The following ZNF451 variants were observed in gnomAD, a reference collection of about 807,000 sequenced individuals.
ZNF451 encodes the protein E3 SUMO-protein ligase ZNF451.
Under a neutral mutation model 107.1 loss-of-function variants are expected in ZNF451, and 80 were observed. The observed-to-expected ratio is 0.75, with a 90% CI of 0.62 to 0.90. ZNF451 has a LOEUF of 0.90. Ranked by LOEUF, ZNF451 falls within the 40% of genes least tolerant of loss-of-function variation. The pLI, the probability that ZNF451 is intolerant of heterozygous loss-of-function variation, is 0.00. For synonymous variants in ZNF451, 362 were observed against 406.5 expected, an observed-to-expected ratio of 0.89 and a Z score of 1.32; for missense variants, 1,107 against 1,236.2, an observed-to-expected ratio of 0.90 and a Z score of 1.57.
chr6:57,152,420 A>G, intron 12 of ZNF451, 69 bp downstream of exon 12: 1 of 1,562,864 alleles, frequency 6.4e-7, no homozygotes, highest in Non-Finnish European at 8.8e-7. Context: ...CCCCACTTGA[A>G]TTGTAATGAG....
rs1763532703 is a variant in ZNF451, at chr6:57,158,523, C to A, written c.3071-2561C>A. ...TGAATAAACACCATCTTTACAGGCT[C>A]CTCGAGATGTTGGCACTAGAACTAC... On this transcript the variant is annotated intron_variant, in intron 13 of 14. Coordinates refer to ENST00000370706, the MANE Select transcript of ZNF451 (RefSeq NM_001031623.3). 8.1e-6 allele frequency: 8 copies of A among 985,178 alleles called. No individual in the cohort carries two copies. In the African/African-American group the frequency reaches 8.7e-5, roughly 11 times the overall value. The allele number at this position is 985,178 out of a possible 1,614,324, so 61.0% of individuals were successfully genotyped here.
chr6:57,102,655 G>T (rs1829662859), intron 3 of ZNF451: 1 of 985,442 alleles, frequency 1.0e-6, no homozygotes, highest in African/African-American at 1.7e-5. Flanking sequence ...ATCAAGCTCT[G>T]TGAGACTTCA....
At chr6:57,158,552 C>T in intron 13 of ZNF451, 1 of 985,380 alleles carries the variant, frequency 1.0e-6, no homozygotes, top group South Asian at 4.7e-5. Context: ...GAACTACAAG[C>T]ACTGCAGTGA....
intron 14 of ZNF451, among the ~76,000 whole-genome samples, chr6:57,162,093 A>G (rs1440962711): frequency 6.6e-6 from 1 of 152,136 alleles, no homozygotes; most frequent in African/African-American, 2.4e-5. Flanking sequence ...TTCACTGGAG[A>G]AGTTGAAAGT....
rs1287410286 is a variant in ZNF451 at position 57,104,064 on chromosome 6, T to C, written c.186+4923T>C. On this transcript the variant is annotated intron_variant, in intron 3 of 14. Transcript: ENST00000370706. ...ATATTGTTTTGCAAATTTAGCCCAG[T>C]CATATCAAGAGTTAATATTTATCTT... The C allele has an allele frequency of 4.1e-6, 4 of 984,662 alleles. No individual in the cohort carries two copies. In the East Asian group the frequency reaches 3.4e-4, roughly 84 times the overall value. The allele number at this position is 984,662 out of a possible 1,614,324, so 61.0% of individuals were successfully genotyped here. A position where few individuals can be genotyped will look rare whatever the true frequency, so the allele number is the denominator to read the frequency against.
intron 3 of ZNF451, among the ~76,000 whole-genome samples, chr6:57,111,889 T>A (rs1406666393): frequency 6.6e-6 from 1 of 152,164 alleles, no homozygotes; most frequent in Non-Finnish European, 1.5e-5. Flanking sequence ...GGAGTATATC[T>A]ATATGTGTGT....
intron 3 of ZNF451, among the ~76,000 whole-genome samples, chr6:57,118,368 T>C (rs543692107): frequency 6.6e-6 from 1 of 152,382 alleles, no homozygotes; most frequent in African/African-American, 2.4e-5. Context: ...TAACACACTC[T>C]ATACCTGTGT....
At chr6:57,132,959 T>C in intron 5 of ZNF451, 83 bp from the exon 6 acceptor site, 1 of 1,413,228 alleles carries the variant, frequency 7.1e-7, no homozygotes, top group Non-Finnish European at 9.8e-7. Context: ...ATAATTTTCA[T>C]TGTTTTGTCC....
chr6:57,165,529 CTCT>C (rs1763858527), intron 14 of ZNF451: 2 of 150,888 alleles, frequency 1.3e-5, no homozygotes, highest in South Asian at 4.1e-4. Flanking sequence ...AATTTGCTGA[CTCT>C]TCTTTGTACT....
intron 3 of ZNF451, among the ~76,000 whole-genome samples, chr6:57,123,353 G>T (rs1830736507): frequency 6.6e-6 from 1 of 152,158 alleles, no homozygotes; most frequent in African/African-American, 2.4e-5. Context: ...ATTATGCAAA[G>T]GTGCAGCAAC....
intron 3 of ZNF451, chr6:57,099,518 A>G (rs1268820576): frequency 2.8e-6 from 2 of 716,818 alleles, no homozygotes; most frequent in African/African-American, 3.5e-5. Flanking sequence ...TGACCACAGA[A>G]AATTTGTTTT....
intron 9 of ZNF451, 82 bp downstream of exon 9, chr6:57,142,177 T>C: frequency 1.4e-6 from 2 of 1,424,394 alleles, no homozygotes; most frequent in Non-Finnish European, 1.9e-6. Flanking sequence ...TTTCTTTCCA[T>C]GTTTCTCTCC....
At chr6:57,132,935 G>T in intron 5 of ZNF451, 107 bp from the exon 6 acceptor site, 2 of 1,115,224 alleles carry the variant, frequency 1.8e-6, no homozygotes, top group Non-Finnish European at 2.6e-6. Flanking sequence ...GCATCATCCA[G>T]TTGATGCTAT....
intron 13 of ZNF451, among the ~76,000 whole-genome samples, chr6:57,158,155 C>G (rs993367206): frequency 6.6e-6 from 1 of 152,184 alleles, no homozygotes; most frequent in South Asian, 2.1e-4. Flanking sequence ...TTAGTATCAA[C>G]GACTGTGGTT....
At position 57,161,076 on chromosome 6, in the gene ZNF451, C is replaced by G; in HGVS notation, c.3071-8C>G. On this transcript the variant is annotated splice_polypyrimidine_tract_variant and splice_region_variant and intron_variant, in intron 13 of 14. Transcript: ENST00000370706. ...ACAATAACTGCATGTATTGATTCTT[C>G]TTTACAGAATGTGACAGTGATGATA... 6.5e-7 allele frequency: 1 copy of G among 1,532,912 alleles called. No individual in the cohort carries two copies. 95.0% of individuals were successfully genotyped at this position (1,532,912 alleles called of 1,614,324 possible). A position where few individuals can be genotyped will look rare whatever the true frequency, so the allele number is the denominator to read the frequency against.
rs544576852 is a variant in ZNF451, at chr6:57,122,775, GA to G, written c.187-1956del. Among the ~76,000 whole-genome samples the G allele has an allele frequency of 3.3e-5, 5 of 152,286 alleles. No individual in the cohort carries two copies. The South Asian group carries it at 1.0e-3, about 32-fold the overall frequency. Reference sequence around the variant, plus strand: ...AGGGAACATTTATACACTGTTGGTGGAAATGCAAATTAGTTCATCTCCTGTG... The same window carrying G: ...AGGGAACATTTATACACTGTTGGTGGAATGCAAATTAGTTCATCTCCTGTG... On this transcript the variant is annotated intron_variant, in intron 3 of 14. Coordinates refer to ENST00000370706, the MANE Select transcript of ZNF451 (RefSeq NM_001031623.3).
rs542680947 is a variant in ZNF451, at chr6:57,135,850, G to A, written c.702+980G>A. ...GAGTAAATATCAAATTGGATTTACC[G>A]AATAAATATTAGATTTTGAAATAGT... is the stretch of plus-strand genomic sequence containing the variant. On this transcript the variant is annotated intron_variant, in intron 7 of 14. Coordinates refer to ENST00000370706, the MANE Select transcript of ZNF451 (RefSeq NM_001031623.3). Among the ~76,000 whole-genome samples the A allele has an allele frequency of 4.7e-4, 72 of 152,112 alleles. 1 individual carries two copies. Among genetic ancestry groups the A allele is most frequent in the African/African-American group, 1.4e-3 (60 of 41,522 alleles).
At chr6:57,106,214 G>A (rs1562593221) in intron 3 of ZNF451, 28 of 984,968 alleles carry the variant, frequency 2.8e-5, no homozygotes, top group Non-Finnish European at 3.3e-5. Context: ...CATTATTCTT[G>A]AAGATATAAC....
intron 3 of ZNF451, among the ~76,000 whole-genome samples, chr6:57,112,742 T>C (rs1252737742): frequency 1.3e-5 from 2 of 152,208 alleles, no homozygotes; most frequent in Non-Finnish European, 2.9e-5. Context: ...GGAGCAAAAT[T>C]GTTCCATTTC....
Sources: gnomAD v4.1 joint callset for allele counts (sites outside exome capture counted in the v4.1 genomes callset) on GRCh38, gnomAD v4.1.1 for gene constraint, MANE v1.5 for transcripts, NCBI Gene and HGNC (gene_info 2026-07-23, HGNC 2026-07-21) for gene names.